Variants in PDIA6 observed in about 807,000 individuals in gnomAD.
PDIA6 encodes protein disulfide-isomerase A6.
PDIA6 carries 29 observed loss-of-function variants against 58.4 expected under a neutral mutation model. That is an observed-to-expected ratio of 0.50 (90% CI 0.37 to 0.68). The LOEUF (loss-of-function observed/expected upper bound fraction) is 0.68. Among genes scored for constraint, PDIA6 ranks in the 30% least tolerant of loss-of-function variants. The pLI is 0.00. For synonymous variants in PDIA6, 192 were observed against 202.6 expected (o/e 0.95, Z 0.44); for missense variants, 480 against 551.0 (o/e 0.87, Z 1.29).
chr2:10,792,063 A>G, intron 5 of PDIA6, 138 bp from the exon 6 acceptor site: 3 of 925,514 alleles, frequency 3.2e-6, no homozygotes, highest in Non-Finnish European at 4.9e-6. Context: ...AAACGGTTGT[A>G]TTCAAATTGG....
chr2:10,813,882 G>A (rs1285072647), upstream of PDIA6, among the ~76,000 whole-genome samples: 1 of 150,946 alleles, frequency 6.6e-6, no homozygotes, highest in Non-Finnish European at 1.5e-5. Flanking sequence ...ATGTCACCAC[G>A]CCCGGCTAAT....
rs748427014 is a variant in PDIA6 at position 10,812,725 on chromosome 2, A to ACCGCCG, written c.-35_-30dup. The stretch of plus-strand genomic sequence containing the variant: ...GAGCGCCGGGCTACGTGCAGTCCCC[A>ACCGCCG]CCGCCGCCGCCGCTTCAGCCCTGCA... On this transcript the variant is annotated 5_prime_UTR_variant, in exon 1 of 13. Transcript: ENST00000272227. 1.3e-6 allele frequency: 2 copies of ACCGCCG among 1,493,864 alleles called. No homozygotes were observed. Among genetic ancestry groups the ACCGCCG allele is most frequent in the Non-Finnish European group, 1.8e-6 (2 of 1,124,084 alleles). The allele number at this position is 1,493,864 out of a possible 1,614,324, so 92.5% of individuals were successfully genotyped here.
intron 2 of PDIA6, among the ~76,000 whole-genome samples, chr2:10,802,080 ATT>A (rs1430539446): frequency 6.6e-6 from 1 of 152,216 alleles, no homozygotes; most frequent in African/African-American, 2.4e-5. Flanking sequence ...ACTGTATATA[ATT>A]TTGTGCTGTT....
At chr2:10,810,701 T>C (rs1666968705) in intron 1 of PDIA6, among the ~76,000 whole-genome samples, 2 of 152,070 alleles carry the variant, frequency 1.3e-5, no homozygotes, top group Admixed American at 1.3e-4. Context: ...AAACCTAACA[T>C]ACTACTGAGA....
Position 10,812,727 on chromosome 2 carries a change from C to T in PDIA6, c.-31G>A, listed in dbSNP as rs1419240311. ...GCGCCGGGCTACGTGCAGTCCCCAC[C>T]GCCGCCGCCGCTTCAGCCCTGCAGC... On this transcript the variant is annotated 5_prime_UTR_variant, in exon 1 of 13. Transcript: ENST00000272227. The T allele has an allele frequency of 6.0e-6, 9 of 1,489,360 alleles. No individual in the cohort carries two copies. The highest frequency in any genetic ancestry group is 1.2e-5 in the South Asian group (1 of 80,546). The allele number at this position is 1,489,360 out of a possible 1,614,324, so 92.3% of individuals were successfully genotyped here. A position where few individuals can be genotyped will look rare whatever the true frequency, so the allele number is the denominator to read the frequency against.
In PDIA6 at chr2:10,797,221, A is replaced by G. The variant is rs749549174; in HGVS notation, c.220-14T>C. The stretch of plus-strand genomic sequence containing the variant: ...TTTGACAACATCCTGTGGAAATGTA[A>G]AAGAAATAACAATTTTTCCTTCCGC... On this transcript the variant is annotated splice_polypyrimidine_tract_variant and intron_variant, in intron 3 of 12. Coordinates refer to ENST00000272227, the MANE Select transcript of PDIA6 (RefSeq NM_005742.4). 1.1e-5 allele frequency: 17 copies of G among 1,602,738 alleles called. No homozygotes were observed. In the Admixed American group the frequency reaches 2.8e-4, roughly 26 times the overall value.
intron 10 of PDIA6, 78 bp from the exon 11 acceptor site, chr2:10,787,517 A>G (rs1240234318): frequency 1.6e-6 from 2 of 1,263,948 alleles, no homozygotes; most frequent in Non-Finnish European, 2.2e-6. Flanking sequence ...CTTAGAGAAC[A>G]AAAGATCACG....
At chr2:10,788,056 ACT>A (rs1665860311) in intron 10 of PDIA6, among the ~76,000 whole-genome samples, 1 of 116,260 alleles carries the variant, frequency 8.6e-6, no homozygotes, top group African/African-American at 2.8e-5. Flanking sequence ...AGAGAGTGAG[ACT>A]CTGTCTCAAA....
At chr2:10,836,580 C>T (rs1435738720), upstream of PDIA6, among the ~76,000 whole-genome samples, 1 of 150,636 alleles carries the variant, frequency 6.6e-6, no homozygotes, top group Non-Finnish European at 1.5e-5. Flanking sequence ...ATTCGCATGC[C>T]ATAGAATTCA....
At chr2:10,812,944 T>G, upstream of PDIA6, 1 of 552,520 alleles carries the variant, frequency 1.8e-6, no homozygotes, top group Non-Finnish European at 2.5e-6. Flanking sequence ...TGGTTTTTTT[T>G]CACGGGGGCG....
intron 10 of PDIA6, 52 bp downstream of exon 10, chr2:10,788,645 G>T: frequency 8.4e-7 from 1 of 1,183,692 alleles, no homozygotes; most frequent in Non-Finnish European, 1.3e-6. Flanking sequence ...TCTCAAGAAA[G>T]CCTATAATCA....
chr2:10,806,025 T>TAA (rs80344702), intron 1 of PDIA6, among the ~76,000 whole-genome samples: 122 of 71,190 alleles, frequency 1.7e-3, no homozygotes, highest in African/African-American at 4.9e-3. Flanking sequence ...AAAGTATAAT[T>TAA]AAAAAAAAAA....
chr2:10,816,551 C>T (rs1667203488), upstream of PDIA6, among the ~76,000 whole-genome samples: 1 of 133,850 alleles, frequency 7.5e-6, no homozygotes, highest in Admixed American at 7.4e-5. Context: ...GGCATTGACA[C>T]TTTGGAAGCA....
exon 1 of PDIA6, chr2:10,832,288 A>T (rs1667731881): frequency 2.1e-6 from 1 of 477,158 alleles, no homozygotes; most frequent in South Asian, 8.8e-5. Context: ...CAAACCGCCC[A>T]AATGCCCATC....
In PDIA6 at chr2:10,812,720, TC is replaced by T. The variant is rs1667061002; in HGVS notation, c.-25del. On this transcript the variant is annotated 5_prime_UTR_variant, in exon 1 of 13. Transcript: ENST00000272227. ...ATGCCGAGCGCCGGGCTACGTGCAG[TC>T]CCCACCGCCGCCGCCGCTTCAGCCC... The T allele has an allele frequency of 2.0e-6, 3 of 1,503,670 alleles. No homozygotes were observed. Among genetic ancestry groups the T allele is most frequent in the Non-Finnish European group, 2.7e-6 (3 of 1,128,958 alleles). 93.1% of individuals were successfully genotyped at this position (1,503,670 alleles called of 1,614,324 possible).
At chr2:10,816,018 ACTTT>A (rs1667181191), upstream of PDIA6, among the ~76,000 whole-genome samples, 1 of 150,126 alleles carries the variant, frequency 6.7e-6, no homozygotes, top group African/African-American at 2.5e-5. Flanking sequence ...CCTCTATTCA[ACTTT>A]CTTTCTTTAT....
At chr2:10,804,967 T>C (rs952361707) in intron 1 of PDIA6, among the ~76,000 whole-genome samples, 2 of 110,580 alleles carry the variant, frequency 1.8e-5, no homozygotes, top group Non-Finnish European at 4.5e-5. Context: ...GATTTGGCTC[T>C]CTGTCTGTTG....
Position 10,802,864 on chromosome 2 carries a change from T to C in PDIA6, c.20-224A>G, listed in dbSNP as rs1734363. ...AACGGACGGTCCCCACTCCCACTCC[T>C]TGGGCTGCACTGGAAAAAGGCTGAA... is the stretch of plus-strand genomic sequence containing the variant. On this transcript the variant is annotated intron_variant, in intron 1 of 12. Coordinates refer to ENST00000272227, the MANE Select transcript of PDIA6 (RefSeq NM_005742.4). Among the ~76,000 whole-genome samples, 74,216 of 152,052 alleles carry C rather than the reference T, an allele frequency of 0.49. 19,666 individuals are homozygous for C. Among genetic ancestry groups the C allele is most frequent in the South Asian group, 0.58 (2,807 of 4,818 alleles).
At chr2:10,803,512 T>C (rs1158957859) in intron 1 of PDIA6, among the ~76,000 whole-genome samples, 1 of 152,118 alleles carries the variant, frequency 6.6e-6, no homozygotes, top group Non-Finnish European at 1.5e-5. Context: ...TAACACATTA[T>C]CAGAAACACT....
Sources: gnomAD v4.1 joint callset for allele counts (sites outside exome capture counted in the v4.1 genomes callset) on GRCh38, gnomAD v4.1.1 for gene constraint, MANE v1.5 for transcripts, NCBI Gene and HGNC (gene_info 2026-07-23, HGNC 2026-07-21) for gene names.